NDFIP2: variants seen among roughly 807,000 people sequenced by gnomAD.
The protein encoded by NDFIP2 is NEDD4 family-interacting protein 2.
Under a neutral mutation model 36.0 loss-of-function variants are expected in NDFIP2, and 19 were observed. The ratio of observed to expected loss-of-function variants is 0.53; its 90% confidence interval spans 0.37 to 0.77. NDFIP2 has a LOEUF of 0.77. Ranked by LOEUF, NDFIP2 falls within the 30% of genes least tolerant of loss-of-function variation. The pLI, the probability that NDFIP2 is intolerant of heterozygous loss-of-function variation, is 0.00. For missense variants in NDFIP2, 446 were observed against 435.8 expected, an observed-to-expected ratio of 1.02 and a Z score of -0.21; for synonymous variants, 181 against 167.7, an observed-to-expected ratio of 1.08 and a Z score of -0.61.
chr13:79,519,936 G>T (rs1874502439), intron 1 of NDFIP2, among the ~76,000 whole-genome samples: 1 of 152,148 alleles, frequency 6.6e-6, no homozygotes, highest in Non-Finnish European at 1.5e-5. Flanking sequence ...GAGTAGCTGG[G>T]ATTACAGGTG....
At chr13:79,544,336 A>G (rs1260803902) in intron 5 of NDFIP2, among the ~76,000 whole-genome samples, 1 of 152,124 alleles carries the variant, frequency 6.6e-6, no homozygotes, top group Admixed American at 6.5e-5. Context: ...AATTTACAAG[A>G]TAGTGCGTAG....
chr13:79,533,650 TCTG>T (rs1296799707), intron 3 of NDFIP2, among the ~76,000 whole-genome samples, 194 bp downstream of exon 3: 1 of 152,120 alleles, frequency 6.6e-6, no homozygotes, highest in Non-Finnish European at 1.5e-5. Flanking sequence ...ATTTTGGAGA[TCTG>T]CAGCAATTTG....
intron 3 of NDFIP2, among the ~76,000 whole-genome samples, chr13:79,534,009 T>A (rs1875125797): frequency 6.6e-6 from 1 of 152,164 alleles, no homozygotes; most frequent in South Asian, 2.1e-4. Context: ...CTTCCTCTTT[T>A]CTATTGCTCT....
chr13:79,535,428 G>T (rs749415139), intron 3 of NDFIP2, among the ~76,000 whole-genome samples: 5 of 152,072 alleles, frequency 3.3e-5, no homozygotes, highest in Non-Finnish European at 5.9e-5. Context: ...TTCCCTCATT[G>T]TCATCATTTC....
intron 3 of NDFIP2, among the ~76,000 whole-genome samples, chr13:79,536,801 G>T: frequency 6.6e-6 from 1 of 152,000 alleles, no homozygotes; most frequent in South Asian, 2.1e-4. Context: ...AGGCAAGCAG[G>T]TTGCTTGAGC....
intron 1 of NDFIP2, 72 bp downstream of exon 1, chr13:79,481,596 G>A: frequency 6.9e-7 from 1 of 1,459,826 alleles, no homozygotes; most frequent in Non-Finnish European, 9.1e-7. Context: ...CTTTCCTCAG[G>A]TTATTCCCGG....
chr13:79,506,501 G>A (rs1429576069), intron 1 of NDFIP2, among the ~76,000 whole-genome samples: 1 of 151,842 alleles, frequency 6.6e-6, no homozygotes, highest in Non-Finnish European at 1.5e-5. Flanking sequence ...TCCTATTATT[G>A]TAACATCATG....
chr13:79,517,742 T>G (rs1874408199), intron 1 of NDFIP2, among the ~76,000 whole-genome samples: 1 of 152,230 alleles, frequency 6.6e-6, no homozygotes, highest in Non-Finnish European at 1.5e-5. Flanking sequence ...GGAGCTTATA[T>G]ATAAAAGTGT....
rs538702858 is a variant in NDFIP2, at chr13:79,553,388, C to T, written c.*875C>T. 2.6e-5 allele frequency: 4 copies of T among 151,348 alleles called. No individual in the cohort carries two copies. The highest frequency in any genetic ancestry group is 9.6e-5 in the African/African-American group (4 of 41,472). The allele number at this position is 151,348 out of a possible 1,614,324, so 9.4% of individuals were successfully genotyped here. ...AAGCTGCATTTTTAGGATTGCCCAT[C>T]TTAAGAGATCTTGCAGGAAGAGATT... On this transcript the variant is annotated 3_prime_UTR_variant, in exon 8 of 8. Coordinates refer to ENST00000218652, the MANE Select transcript of NDFIP2 (RefSeq NM_019080.3).
intron 1 of NDFIP2, among the ~76,000 whole-genome samples, chr13:79,504,334 T>C (rs1873778094): frequency 6.6e-6 from 1 of 152,156 alleles, no homozygotes; most frequent in Non-Finnish European, 1.5e-5. Flanking sequence ...ATGAGTTCTT[T>C]ACCTGTATTT....
rs772723811 is a variant in NDFIP2 at position 79,553,883 on chromosome 13, A to G, written c.*1370A>G. 3 of 152,010 alleles carry G rather than the reference A, an allele frequency of 2.0e-5. No homozygotes were observed. The highest frequency in any genetic ancestry group is 7.2e-5 in the African/African-American group (3 of 41,412). 9.4% of individuals were successfully genotyped at this position (152,010 alleles called of 1,614,324 possible). Reference sequence around the variant, plus strand: ...AAAATGATGGTATTTTATCTTTTAAACTTAAAAATTATTTAATACAGCTAT... The same window carrying G: ...AAAATGATGGTATTTTATCTTTTAAGCTTAAAAATTATTTAATACAGCTAT... On this transcript the variant is annotated 3_prime_UTR_variant, in exon 8 of 8. Coordinates refer to ENST00000218652, the MANE Select transcript of NDFIP2 (RefSeq NM_019080.3).
At chr13:79,550,951 T>A in intron 6 of NDFIP2, 66 bp from the exon 7 acceptor site, 3 of 924,826 alleles carry the variant, frequency 3.2e-6, no homozygotes, top group Non-Finnish European at 1.6e-6. Context: ...AATTGTCTAC[T>A]TTAAATTTAT....
At chr13:79,541,266 T>TA (rs1312801515) in intron 4 of NDFIP2, among the ~76,000 whole-genome samples, 1 of 151,924 alleles carries the variant, frequency 6.6e-6, no homozygotes, top group Non-Finnish European at 1.5e-5. Context: ...TTATTTCACT[T>TA]ACCACCAGTA....
At chr13:79,528,015 G>C (rs1244010547) in intron 2 of NDFIP2, among the ~76,000 whole-genome samples, 2 of 152,152 alleles carry the variant, frequency 1.3e-5, no homozygotes, top group African/African-American at 4.8e-5. Flanking sequence ...TATAATTCCA[G>C]TACTTTGGGT....
At chr13:79,486,267 C>T (rs759975203) in intron 1 of NDFIP2, among the ~76,000 whole-genome samples, 29 of 152,190 alleles carry the variant, frequency 1.9e-4, no homozygotes, top group Non-Finnish European at 3.4e-4. Flanking sequence ...TGGCCCCTTA[C>T]TGAATCTGCC....
chr13:79,502,167 G>A (rs948525883), intron 1 of NDFIP2, among the ~76,000 whole-genome samples: 3 of 152,084 alleles, frequency 2.0e-5, no homozygotes, highest in Admixed American at 6.6e-5. Context: ...ATAACACCAA[G>A]GTTATCCAGC....
At chr13:79,526,615 A>G (rs1246159128) in intron 2 of NDFIP2, among the ~76,000 whole-genome samples, 2 of 152,206 alleles carry the variant, frequency 1.3e-5, no homozygotes. Context: ...ATGAAGTTAG[A>G]TAAAGGGTAA....
At chr13:79,532,295 T>G (rs1473967319) in intron 2 of NDFIP2, among the ~76,000 whole-genome samples, 1 of 152,190 alleles carries the variant, frequency 6.6e-6, no homozygotes, top group Admixed American at 6.5e-5. Flanking sequence ...ATTTGCAAAA[T>G]GCACAAAAGC....
rs567278466 is a variant in NDFIP2, at chr13:79,555,247, G to A, written c.*2734G>A. On this transcript the variant is annotated 3_prime_UTR_variant, in exon 8 of 8. Coordinates refer to ENST00000218652, the MANE Select transcript of NDFIP2 (RefSeq NM_019080.3). The stretch of plus-strand genomic sequence containing the variant: ...CATTAAATATAATTTTTTTCATCTA[G>A]TATGTACTATTTCAAGAAGTGCAAA... 10 of 147,238 alleles carry A rather than the reference G, an allele frequency of 6.8e-5. No homozygotes were observed. Among genetic ancestry groups the A allele is most frequent in the South Asian group, 6.8e-4 (3 of 4,444 alleles). The allele number at this position is 147,238 out of a possible 1,614,324, so 9.1% of individuals were successfully genotyped here.
Sources: gnomAD v4.1 joint callset for allele counts (sites outside exome capture counted in the v4.1 genomes callset) on GRCh38, gnomAD v4.1.1 for gene constraint, MANE v1.5 for transcripts, NCBI Gene and HGNC (gene_info 2026-07-23, HGNC 2026-07-21) for gene names.